SPIRE1: variants seen among roughly 807,000 people sequenced by gnomAD.
SPIRE1 encodes the protein spire type actin nucleation factor 1.
SPIRE1 carries 40 observed loss-of-function variants against 94.1 expected under a neutral mutation model. The ratio of observed to expected loss-of-function variants is 0.43; its 90% CI spans 0.33 to 0.55. The LOEUF (loss-of-function observed/expected upper bound fraction) is 0.55, where lower values mean the gene tolerates loss of function less well. SPIRE1 is among the 20% of genes least tolerant of loss of function. The pLI, the probability that SPIRE1 is intolerant of heterozygous loss-of-function variation, is 0.06. For missense variants in SPIRE1, 838 were observed against 975.2 expected (o/e 0.86, Z 1.87); for synonymous variants, 376 against 371.7 (o/e 1.01, Z -0.13).
intron 2 of SPIRE1, among the ~76,000 whole-genome samples, chr18:12,574,653 G>A (rs925194375): frequency 3.3e-5 from 5 of 152,224 alleles, no homozygotes; most frequent in Non-Finnish European, 5.9e-5. Context: ...GGAACATACA[G>A]TGGGATTCCC....
At chr18:12,659,460 A>G (rs1203460907), upstream of SPIRE1, among the ~76,000 whole-genome samples, 1 of 152,122 alleles carries the variant, frequency 6.6e-6, no homozygotes, top group East Asian at 1.9e-4. Context: ...TGAGGTCAGG[A>G]GTTCGAGACC....
At chr18:12,591,968 CAAAAAAA>C (rs35668057) in intron 2 of SPIRE1, among the ~76,000 whole-genome samples, 11 of 67,442 alleles carry the variant, frequency 1.6e-4, no homozygotes, top group African/African-American at 4.6e-4. Flanking sequence ...GACTCCATCT[CAAAAAAA>C]AAAAAAAAAA....
intron 3 of SPIRE1, among the ~76,000 whole-genome samples, chr18:12,543,641 T>C (rs1567921653): frequency 6.6e-6 from 1 of 152,192 alleles, no homozygotes; most frequent in East Asian, 1.9e-4. Context: ...TATTAAAACA[T>C]AACAAATTAT....
intron 12 of SPIRE1, 82 bp from the exon 13 acceptor site, chr18:12,454,565 T>TTATTA: frequency 7.7e-7 from 1 of 1,300,920 alleles, no homozygotes; most frequent in Non-Finnish European, 1.1e-6. Context: ...ATCAGACCCC[T>TTATTA]GATTAGTAGC....
At chr18:12,583,607 AG>A (rs1199971039) in intron 2 of SPIRE1, among the ~76,000 whole-genome samples, 70 of 151,794 alleles carry the variant, frequency 4.6e-4, no homozygotes, top group Middle Eastern at 6.8e-3. Context: ...TCTCCAAAAA[AG>A]AAGAAGAAGA....
chr18:12,521,893 T>C (rs1468722390), intron 4 of SPIRE1, among the ~76,000 whole-genome samples: 4 of 152,118 alleles, frequency 2.6e-5, no homozygotes, highest in Non-Finnish European at 5.9e-5. Context: ...GATAAATGCG[T>C]GTGTTCTGAC....
chr18:12,556,722 T>C (rs2035519583), intron 2 of SPIRE1, among the ~76,000 whole-genome samples: 1 of 152,212 alleles, frequency 6.6e-6, no homozygotes, highest in African/African-American at 2.4e-5. Flanking sequence ...ATGGTCTTGC[T>C]GGCTTCAGGA....
At chr18:12,475,695 T>C (rs574019723) in intron 10 of SPIRE1, among the ~76,000 whole-genome samples, 2 of 152,322 alleles carry the variant, frequency 1.3e-5, no homozygotes, top group South Asian at 4.1e-4. Context: ...CAGAGGTAAG[T>C]CAATCTTGGT....
At chr18:12,523,703 A>G (rs1330766074) in intron 4 of SPIRE1, among the ~76,000 whole-genome samples, 2 of 151,976 alleles carry the variant, frequency 1.3e-5, no homozygotes, top group African/African-American at 2.4e-5. Context: ...TTTTTTTGAG[A>G]CATAGTCTCA....
At chr18:12,541,600 G>A (rs1172464538) in intron 3 of SPIRE1, among the ~76,000 whole-genome samples, 1 of 151,630 alleles carries the variant, frequency 6.6e-6, no homozygotes, top group Non-Finnish European at 1.5e-5. Flanking sequence ...TTGCCTTTAG[G>A]TCCATTTTAT....
At chr18:12,597,787 G>T (rs1305913433) in intron 2 of SPIRE1, among the ~76,000 whole-genome samples, 1 of 152,166 alleles carries the variant, frequency 6.6e-6, no homozygotes, top group East Asian at 1.9e-4. Context: ...CTTTCCAGGG[G>T]CACAATTAAA....
At chr18:12,658,181 G>A, upstream of SPIRE1, 1 of 770,664 alleles carries the variant, frequency 1.3e-6, no homozygotes, top group Non-Finnish European at 1.8e-6. Flanking sequence ...GGGGCCGCAC[G>A]GGCCGGGGGA....
chr18:12,626,039 C>A (rs1401244827), intron 2 of SPIRE1, among the ~76,000 whole-genome samples: 1 of 96,538 alleles, frequency 1.0e-5, no homozygotes, highest in Admixed American at 1.0e-4. Flanking sequence ...CCCACACCGC[C>A]CCGCCCCCCC....
At chr18:12,600,436 A>C (rs2036800251) in intron 2 of SPIRE1, among the ~76,000 whole-genome samples, 1 of 152,218 alleles carries the variant, frequency 6.6e-6, no homozygotes, top group African/African-American at 2.4e-5. Flanking sequence ...TTTGCCTTTG[A>C]AATCAACAGG....
intron 2 of SPIRE1, among the ~76,000 whole-genome samples, chr18:12,569,216 A>G (rs950037007): frequency 2.7e-4 from 41 of 151,934 alleles, no homozygotes; most frequent in African/African-American, 9.2e-4. Flanking sequence ...GGTGGCAGGC[A>G]CCTGTATTCC....
chr18:12,526,532 C>T (rs371799879), intron 4 of SPIRE1, among the ~76,000 whole-genome samples: 99 of 152,152 alleles, frequency 6.5e-4, no homozygotes, highest in African/African-American at 2.1e-3. Flanking sequence ...CATTCACCAT[C>T]GTACCGACAG....
intron 4 of SPIRE1, among the ~76,000 whole-genome samples, chr18:12,524,565 A>G (rs778337896): frequency 6.6e-6 from 1 of 152,248 alleles, no homozygotes; most frequent in African/African-American, 2.4e-5. Context: ...CTTCTTCAGT[A>G]TAACAGATTG....
intron 4 of SPIRE1, among the ~76,000 whole-genome samples, chr18:12,526,655 G>C (rs77954794): frequency 1.3e-5 from 2 of 152,188 alleles, no homozygotes; most frequent in East Asian, 3.9e-4. Context: ...TGGAATAAAC[G>C]TTAGCAGTAT....
intron 2 of SPIRE1, among the ~76,000 whole-genome samples, chr18:12,553,316 C>T (rs1004135890): frequency 5.3e-5 from 8 of 152,150 alleles, no homozygotes; most frequent in African/African-American, 9.7e-5. Flanking sequence ...ACAGCATTTC[C>T]GGATCTGCAC....
Sources: allele counts gnomAD v4.1 joint callset (sites outside exome capture counted in the v4.1 genomes callset), GRCh38; gene constraint gnomAD v4.1.1; transcripts MANE v1.5; gene names NCBI Gene and HGNC (gene_info 2026-07-23, HGNC 2026-07-21).